Variants in ANO3 observed in about 807,000 individuals in gnomAD.
ANO3 encodes anoctamin 3, also known as anoctamin-3.
In ANO3, 99 loss-of-function variants were observed where a neutral mutation model predicts 144.8. That is an observed-to-expected ratio of 0.68 (90% CI 0.58 to 0.81). The LOEUF (loss-of-function observed/expected upper bound fraction) is 0.81, where lower values mean the gene tolerates loss of function less well. Ranked by LOEUF, ANO3 falls within the 30% of genes least tolerant of loss-of-function variation. ANO3 has a pLI of 0.00. For missense variants in ANO3, 905 were observed against 1,202.2 expected (o/e 0.75, Z 3.66); for synonymous variants, 414 against 392.6 (o/e 1.05, Z -0.64).
At chr11:26,547,328 T>C in intron 11 of ANO3, 88 bp from the exon 12 acceptor site, 1 of 1,338,694 alleles carries the variant, frequency 7.5e-7, no homozygotes, top group Non-Finnish European at 1.1e-6. Flanking sequence ...CAAGTTACCA[T>C]CTGAAATTCT....
chr11:26,434,732 T>C (rs774102003), intron 1 of ANO3, among the ~76,000 whole-genome samples: 25 of 152,200 alleles, frequency 1.6e-4, no homozygotes, highest in Admixed American at 2.6e-4. Flanking sequence ...AATTGCATGG[T>C]TTTGAGCAAT....
intron 14 of ANO3, among the ~76,000 whole-genome samples, chr11:26,594,726 G>A (rs1388158823): frequency 1.3e-5 from 2 of 152,160 alleles, no homozygotes; most frequent in African/African-American, 4.8e-5. Context: ...CAGGGAGGTA[G>A]ACTCTGAGGG....
intron 14 of ANO3, among the ~76,000 whole-genome samples, chr11:26,591,772 C>A (rs1312003401): frequency 6.6e-6 from 1 of 152,146 alleles, no homozygotes; most frequent in Non-Finnish European, 1.5e-5. Flanking sequence ...ATGGTTGTCG[C>A]TTGAAGAGCA....
At chr11:26,617,718 A>G (rs117283202) in intron 17 of ANO3, among the ~76,000 whole-genome samples, 2,009 of 152,328 alleles carry the variant, frequency 0.013, 18 homozygotes, top group Non-Finnish European at 0.021. Context: ...TATAAAATGA[A>G]TTGAGTGCAA....
chr11:26,603,734 A>G (rs1223927773), intron 17 of ANO3, among the ~76,000 whole-genome samples: 1 of 152,154 alleles, frequency 6.6e-6, no homozygotes, highest in Non-Finnish European at 1.5e-5. Context: ...TGGTCCCTCA[A>G]TAGTGAGAAA....
At chr11:26,231,470 C>G (rs906686977) in intron 1 of ANO3, among the ~76,000 whole-genome samples, 1 of 152,188 alleles carries the variant, frequency 6.6e-6, no homozygotes, top group Non-Finnish European at 1.5e-5. Context: ...GGAAAGGTGA[C>G]TTGTCCAACT....
chr11:26,479,310 A>G (rs1159048731), intron 4 of ANO3, among the ~76,000 whole-genome samples: 1 of 152,226 alleles, frequency 6.6e-6, no homozygotes, highest in South Asian at 2.1e-4. Context: ...ATACTGTTGA[A>G]TAAGAATAGA....
At chr11:26,630,717 T>C (rs1293345752) in intron 18 of ANO3, among the ~76,000 whole-genome samples, 2 of 152,228 alleles carry the variant, frequency 1.3e-5, no homozygotes, top group African/African-American at 4.8e-5. Context: ...TCTTTTCTTT[T>C]ATTACATTGT....
At chr11:26,316,741 G>A (rs930626811) in intron 1 of ANO3, among the ~76,000 whole-genome samples, 7 of 152,066 alleles carry the variant, frequency 4.6e-5, no homozygotes, top group Admixed American at 1.3e-4. Context: ...CACAAGGGTC[G>A]CATTCCATCC....
At chr11:26,203,234 C>A (rs1160162796) in intron 1 of ANO3, among the ~76,000 whole-genome samples, 1 of 152,094 alleles carries the variant, frequency 6.6e-6, no homozygotes, top group Non-Finnish European at 1.5e-5. Context: ...TTATAAAAGT[C>A]ACTTTGAAGA....
intron 21 of ANO3, 76 bp from the exon 22 acceptor site, chr11:26,641,820 T>G: frequency 7.2e-7 from 1 of 1,379,408 alleles, no homozygotes; most frequent in South Asian, 2.1e-5. Context: ...TTTTACTCAT[T>G]TCTTAATTCA....
intron 1 of ANO3, among the ~76,000 whole-genome samples, chr11:26,206,584 T>A (rs1054857111): frequency 6.6e-6 from 1 of 152,094 alleles, no homozygotes; most frequent in East Asian, 1.9e-4. Context: ...TTATTTTAAG[T>A]CTGTGATACA....
intron 14 of ANO3, among the ~76,000 whole-genome samples, chr11:26,589,276 T>C (rs1032042906): frequency 3.3e-5 from 5 of 152,322 alleles, no homozygotes; most frequent in Admixed American, 3.3e-4. Flanking sequence ...TTAAAACATA[T>C]GTGAGAGAGG....
At chr11:26,637,868 T>C (rs1853013521) in intron 20 of ANO3, among the ~76,000 whole-genome samples, 1 of 152,186 alleles carries the variant, frequency 6.6e-6, no homozygotes. Context: ...GTCTTCCTTA[T>C]GAGCAGGACA....
intron 17 of ANO3, among the ~76,000 whole-genome samples, chr11:26,613,950 C>T (rs1437251252): frequency 1.3e-5 from 2 of 152,186 alleles, no homozygotes; most frequent in Non-Finnish European, 2.9e-5. Flanking sequence ...AGCACAGATG[C>T]TCATGGGTGT....
chr11:26,416,471 G>A (rs1857589118), intron 1 of ANO3, among the ~76,000 whole-genome samples: 1 of 151,202 alleles, frequency 6.6e-6, no homozygotes, highest in Non-Finnish European at 1.5e-5. Context: ...TCTGTGTCCA[G>A]ACTGGAGTGC....
At chr11:26,645,199 G>A (rs1056106352) in intron 23 of ANO3, among the ~76,000 whole-genome samples, 1 of 143,928 alleles carries the variant, frequency 6.9e-6, no homozygotes, top group Non-Finnish European at 1.5e-5. Context: ...TCTGGAATAT[G>A]TTGTTGATAA....
Position 26,656,164 on chromosome 11 carries a change from T to C in ANO3, c.2616T>C (p.Phe872=). 1.9e-6 allele frequency: 3 copies of C among 1,613,804 alleles called. No individual in the cohort carries two copies. The highest frequency in any genetic ancestry group is 2.5e-6 in the Non-Finnish European group (3 of 1,179,740). ...ATGTCAACAATAGCCTATCCTTCTTTGACCTGAGTGAGCTTGGTATGGGAA... is the reference window on the plus strand; with the variant it reads ...ATGTCAACAATAGCCTATCCTTCTTCGACCTGAGTGAGCTTGGTATGGGAA... The part of the protein sequence containing the change: ...KGYVNNSLSF[F]DLSELGMGKS... The change falls in exon 25 of 27, where the codon TTT becomes TTC. Residue 872 remains phenylalanine, a synonymous_variant. Transcript: ENST00000256737.
intron 1 of ANO3, among the ~76,000 whole-genome samples, chr11:26,388,981 T>A (rs1019124592): frequency 2.6e-5 from 4 of 152,154 alleles, no homozygotes; most frequent in Non-Finnish European, 4.4e-5. Flanking sequence ...ACATTTTATA[T>A]CTGAGAAAAG....
Sources: allele counts gnomAD v4.1 joint callset (sites outside exome capture counted in the v4.1 genomes callset), GRCh38; gene constraint gnomAD v4.1.1; transcripts MANE v1.5; gene names NCBI Gene and HGNC (gene_info 2026-07-23, HGNC 2026-07-21).